SUMF1: variants seen among roughly 807,000 people sequenced by gnomAD.
SUMF1 encodes sulfatase modifying factor 1, also known as formylglycine-generating enzyme.
Under a neutral mutation model 47.6 loss-of-function variants are expected in SUMF1, and 48 were observed. That is an observed-to-expected ratio of 1.01 (90% confidence interval 0.80 to 1.28). The LOEUF is 1.28. Among genes scored for constraint, SUMF1 ranks in the 50% most tolerant of loss-of-function variants. SUMF1 has a pLI of 0.00. For synonymous variants in SUMF1, 230 were observed against 192.1 expected (o/e 1.20, Z -1.63); for missense variants, 571 against 485.4 (o/e 1.18, Z -1.66).
intron 9 of SUMF1, among the ~76,000 whole-genome samples, chr3:4,059,792 T>C (rs1402231182): frequency 7.2e-6 from 1 of 139,604 alleles, no homozygotes; most frequent in Non-Finnish European, 1.6e-5. Context: ...AAGGTGTCCC[T>C]GTGGAAAAAA....
intron 8 of SUMF1, among the ~76,000 whole-genome samples, chr3:4,277,780 T>C (rs1697448639): frequency 6.6e-6 from 1 of 152,114 alleles, no homozygotes; most frequent in African/African-American, 2.4e-5. Context: ...CTCCATTAAA[T>C]AATAGGCCAA....
At chr3:4,389,386 A>G (rs115011496) in intron 7 of SUMF1, among the ~76,000 whole-genome samples, 2,064 of 147,116 alleles carry the variant, frequency 0.014, 45 homozygotes, top group African/African-American at 0.048. Flanking sequence ...CTGCTTTTAA[A>G]AGTTTTGTCT....
chr3:4,341,330 T>C (rs1472859074), intron 8 of SUMF1, among the ~76,000 whole-genome samples: 6 of 152,282 alleles, frequency 3.9e-5, no homozygotes, highest in African/African-American at 1.2e-4. Context: ...CCTCCTACCA[T>C]GCCGGAGTGG....
At chr3:4,407,840 T>C (rs1487902570) in intron 7 of SUMF1, among the ~76,000 whole-genome samples, 1 of 152,136 alleles carries the variant, frequency 6.6e-6, no homozygotes, top group African/African-American at 2.4e-5. Flanking sequence ...TATAAAAAAT[T>C]GGAGTTTAAG....
At chr3:4,199,545 G>A (rs951488232) in intron 8 of SUMF1, among the ~76,000 whole-genome samples, 1 of 152,098 alleles carries the variant, frequency 6.6e-6, no homozygotes, top group Non-Finnish European at 1.5e-5. Flanking sequence ...TAGGAAACTG[G>A]CGGGTAATTT....
chr3:4,298,724 A>G (rs1697907882), intron 8 of SUMF1, among the ~76,000 whole-genome samples: 2 of 152,180 alleles, frequency 1.3e-5, no homozygotes, highest in Non-Finnish European at 2.9e-5. Context: ...TGTCTTCTTC[A>G]TGTATACATT....
At chr3:4,376,485 T>C in intron 7 of SUMF1, 96 bp from the exon 8 acceptor site, 17 of 1,312,208 alleles carry the variant, frequency 1.3e-5, no homozygotes, top group East Asian at 2.3e-5. Context: ...AGCTCTCTCA[T>C]GGTTGCCTAA....
intron 3 of SUMF1, among the ~76,000 whole-genome samples, chr3:4,442,191 G>C (rs1345297846): frequency 1.3e-5 from 2 of 152,042 alleles, no homozygotes; most frequent in Admixed American, 6.5e-5. Flanking sequence ...CTCCAATAAG[G>C]AGTAGGTTTA....
At chr3:4,312,754 ATATCT>A (rs59583151) in intron 8 of SUMF1, 61,798 of 915,988 alleles carry the variant, frequency 0.067, 3,929 homozygotes, top group South Asian at 0.28. Flanking sequence ...TTTTTGGACA[ATATCT>A]TAGTATGCTG....
At chr3:4,104,880 C>T (rs1434875064) in intron 8 of SUMF1, among the ~76,000 whole-genome samples, 2 of 152,070 alleles carry the variant, frequency 1.3e-5, no homozygotes, top group East Asian at 1.9e-4. Flanking sequence ...TTCTGGTATA[C>T]ATTCAAAGGG....
rs529671045 is a variant in SUMF1, at chr3:4,137,491, C to T, written c.1015-68746G>A. On this transcript the variant is annotated intron_variant and NMD_transcript_variant, in intron 8 of 12. Coordinates refer to the SUMF1 transcript ENST00000448413. Reference sequence around the variant, plus strand: ...CTGTTGTGGGGTGGGGGGAAGGGGGCGGGAGAGCATTAGGAGATATACCCA... The same window carrying T: ...CTGTTGTGGGGTGGGGGGAAGGGGGTGGGAGAGCATTAGGAGATATACCCA... 3.5e-4 allele frequency among the ~76,000 whole-genome samples: 51 copies of T among 146,978 alleles called. No individual in the cohort carries two copies. The South Asian group carries it at 4.4e-3, about 13-fold the overall frequency.
At chr3:4,302,161 G>T in intron 8 of SUMF1, among the ~76,000 whole-genome samples, 1 of 152,218 alleles carries the variant, frequency 6.6e-6, no homozygotes, top group Non-Finnish European at 1.5e-5. Context: ...CCAAGCTTAA[G>T]AATGCGCCCC....
intron 8 of SUMF1, among the ~76,000 whole-genome samples, chr3:4,202,650 T>C (rs1230090369): frequency 6.6e-6 from 1 of 152,084 alleles, no homozygotes; most frequent in Non-Finnish European, 1.5e-5. Context: ...AAGAATGTCA[T>C]TGGTACTTTG....
intron 5 of SUMF1, 94 bp downstream of exon 5, chr3:4,417,916 T>C (rs971260976): frequency 1.3e-6 from 2 of 1,597,388 alleles, no homozygotes; most frequent in Non-Finnish European, 1.7e-6. Context: ...GTTATTAACT[T>C]TCTAACCAAA....
chr3:4,196,058 C>T (rs1286358049), intron 8 of SUMF1, among the ~76,000 whole-genome samples: 2 of 152,036 alleles, frequency 1.3e-5, no homozygotes, highest in Non-Finnish European at 2.9e-5. Context: ...AATGGTATAG[C>T]ATTAGGAATA....
intron 8 of SUMF1, among the ~76,000 whole-genome samples, chr3:4,176,854 C>A (rs1463115233): frequency 1.3e-5 from 2 of 151,944 alleles, no homozygotes; most frequent in South Asian, 2.1e-4. Flanking sequence ...ATTTACCGAA[C>A]AAATGGAAAG....
At chr3:4,411,033 A>G in intron 6 of SUMF1, 55 bp from the exon 7 acceptor site, 1 of 1,374,598 alleles carries the variant, frequency 7.3e-7, no homozygotes, top group Non-Finnish European at 1.0e-6. Flanking sequence ...TTTAAAAAAC[A>G]TCTTCAGTGC....
intron 9 of SUMF1, among the ~76,000 whole-genome samples, chr3:4,047,487 A>G (rs1260154714): frequency 6.6e-6 from 1 of 152,136 alleles, no homozygotes; most frequent in Admixed American, 6.6e-5. Flanking sequence ...TTTAGAGCTC[A>G]ATACTTTCCA....
intron 8 of SUMF1, among the ~76,000 whole-genome samples, chr3:4,102,202 AT>A (rs569208098): frequency 2.0e-4 from 30 of 152,158 alleles, no homozygotes; most frequent in Non-Finnish European, 3.4e-4. Flanking sequence ...TTTCTGGAAT[AT>A]TCTTGCTAAT....
Sources: gnomAD v4.1 joint callset for allele counts (sites outside exome capture counted in the v4.1 genomes callset) on GRCh38, gnomAD v4.1.1 for gene constraint, MANE v1.5 for transcripts, NCBI Gene and HGNC (gene_info 2026-07-23, HGNC 2026-07-21) for gene names.